OXCT1: variants seen among roughly 807,000 people sequenced by gnomAD.
The protein encoded by OXCT1 is 3-oxoacid CoA-transferase 1.
A neutral mutation model predicts 69.6 loss-of-function variants in OXCT1; 27 were observed. The ratio of observed to expected loss-of-function variants is 0.39; its 90% CI spans 0.29 to 0.54. OXCT1 has a LOEUF of 0.54. OXCT1 is among the 20% of genes least tolerant of loss of function. The probability of loss-of-function intolerance (pLI) is 0.72; values close to 1 mark genes in which losing one functional copy is unlikely to be tolerated. For missense variants in OXCT1, 437 were observed against 650.2 expected, an observed-to-expected ratio of 0.67 and a Z score of 3.57; for synonymous variants, 202 against 217.8, an observed-to-expected ratio of 0.93 and a Z score of 0.64.
chr5:41,811,306 TTGAA>T (rs1311323000), intron 7 of OXCT1, among the ~76,000 whole-genome samples: 1 of 151,904 alleles, frequency 6.6e-6, no homozygotes, highest in Non-Finnish European at 1.5e-5. Context: ...AGAGAATAAT[TTGAA>T]TGTGCTTAGC....
In OXCT1 at chr5:41,840,517, G is replaced by T; in HGVS notation, c.672-6C>A. The T allele has an allele frequency of 1.9e-6, 3 of 1,607,822 alleles. No individual in the cohort carries two copies. The highest frequency in any genetic ancestry group is 2.6e-6 in the Non-Finnish European group (3 of 1,175,280). On this transcript the variant is annotated splice_polypyrimidine_tract_variant and splice_region_variant and intron_variant, in intron 6 of 16. Transcript: ENST00000196371. ...TGAAATTCCTTGCACTTTTCCTACAGGGGTGGAGGAGATAAGAAAGTGGGG... is the reference window on the plus strand; with the variant it reads ...TGAAATTCCTTGCACTTTTCCTACATGGGTGGAGGAGATAAGAAAGTGGGG...
intron 14 of OXCT1, among the ~76,000 whole-genome samples, chr5:41,757,053 A>T (rs1744111442): frequency 6.6e-6 from 1 of 151,952 alleles, no homozygotes; most frequent in South Asian, 2.1e-4. Context: ...TCTAAGTGAG[A>T]TGGGAAGTCA....
intron 13 of OXCT1, among the ~76,000 whole-genome samples, chr5:41,768,844 C>T (rs754946664): frequency 6.6e-6 from 1 of 152,150 alleles, no homozygotes; most frequent in Non-Finnish European, 1.5e-5. Flanking sequence ...AACCCTTCAG[C>T]GCTTCAGGGT....
intron 11 of OXCT1, 62 bp downstream of exon 11, chr5:41,800,960 A>T: frequency 7.2e-7 from 1 of 1,394,674 alleles, no homozygotes; most frequent in Admixed American, 1.7e-5. Flanking sequence ...ATTGAGTCCA[A>T]ACTCTTATTA....
intron 15 of OXCT1, among the ~76,000 whole-genome samples, chr5:41,745,389 C>T (rs560229389): frequency 2.1e-3 from 327 of 152,162 alleles, no homozygotes; most frequent in African/African-American, 7.5e-3. Flanking sequence ...ATCTCTGGGA[C>T]ACATTCAAAG....
chr5:41,745,084 C>A (rs1390063599), intron 15 of OXCT1, among the ~76,000 whole-genome samples: 1 of 152,100 alleles, frequency 6.6e-6, no homozygotes, highest in African/African-American at 2.4e-5. Flanking sequence ...CACCCCAAAT[C>A]AACAGAATAT....
At chr5:41,863,008 T>C (rs1198752849) in intron 1 of OXCT1, among the ~76,000 whole-genome samples, 3 of 152,106 alleles carry the variant, frequency 2.0e-5, no homozygotes, top group African/African-American at 2.4e-5. Flanking sequence ...CTGAGGTCTG[T>C]CACCCCAGGA....
intron 14 of OXCT1, among the ~76,000 whole-genome samples, chr5:41,760,385 G>A (rs1744288397): frequency 6.6e-6 from 1 of 152,072 alleles, no homozygotes; most frequent in Non-Finnish European, 1.5e-5. Context: ...TTTCCCCACT[G>A]AGAGAAGGAA....
intron 13 of OXCT1, among the ~76,000 whole-genome samples, chr5:41,772,523 T>C (rs995299417): frequency 5.9e-5 from 9 of 152,184 alleles, no homozygotes; most frequent in South Asian, 2.1e-4. Context: ...GATCATGCTA[T>C]GTATAATAAA....
intron 5 of OXCT1, among the ~76,000 whole-genome samples, chr5:41,847,885 T>C (rs1400268887): frequency 6.7e-6 from 1 of 149,896 alleles, no homozygotes; most frequent in Non-Finnish European, 1.5e-5. Flanking sequence ...AGGGATGCCC[T>C]CTCTCACCAC....
rs1250784691 is a variant in OXCT1, at chr5:41,794,899, G to A, written c.1100-150C>T. 5.4e-6 allele frequency: 4 copies of A among 741,008 alleles called. No homozygotes were observed. In the East Asian group the frequency reaches 7.9e-5, roughly 15 times the overall value. The allele number at this position is 741,008 out of a possible 1,614,324, so 45.9% of individuals were successfully genotyped here. A position where few individuals can be genotyped will look rare whatever the true frequency, so the allele number is the denominator to read the frequency against. Reference sequence around the variant, plus strand: ...ACATAGCAGGTGGGGGGACACAGTAGGAACCTTTTGTGGTGGAAAGCATTT... The same window carrying A: ...ACATAGCAGGTGGGGGGACACAGTAAGAACCTTTTGTGGTGGAAAGCATTT... On this transcript the variant is annotated intron_variant, in intron 11 of 16. Transcript: ENST00000196371.
chr5:41,866,351 G>C (rs1238587657), intron 1 of OXCT1, among the ~76,000 whole-genome samples: 2 of 152,138 alleles, frequency 1.3e-5, no homozygotes, highest in African/African-American at 4.8e-5. Flanking sequence ...AAAAGACATA[G>C]GCCTTAGCTT....
chr5:41,846,056 C>G (rs1482297532), intron 5 of OXCT1, among the ~76,000 whole-genome samples: 1 of 152,044 alleles, frequency 6.6e-6, no homozygotes, highest in Non-Finnish European at 1.5e-5. Flanking sequence ...CATTCCCTCC[C>G]TAATTGCACT....
chr5:41,745,178 A>T (rs1353224102), intron 15 of OXCT1, among the ~76,000 whole-genome samples: 1 of 152,334 alleles, frequency 6.6e-6, no homozygotes, highest in Admixed American at 6.5e-5. Context: ...AATGTAAAAA[A>T]AAAACAAATT....
At chr5:41,867,989 C>T (rs1275513445) in intron 1 of OXCT1, among the ~76,000 whole-genome samples, 2 of 152,232 alleles carry the variant, frequency 1.3e-5, no homozygotes, top group African/African-American at 4.8e-5. Flanking sequence ...AGACCAGCAG[C>T]ATCAACATCA....
chr5:41,859,864 A>AATATATATATATATATATATATAT lies in OXCT1; in HGVS notation c.278+1449_278+1450insATATATATATATATATATATATAT, dbSNP rs3050894. Among the ~76,000 whole-genome samples the AATATATATATATATATATATATAT allele has an allele frequency of 3.2e-4, 39 of 120,062 alleles. 1 individual carries two copies. The highest frequency in any genetic ancestry group is 5.8e-4 in the South Asian group (2 of 3,430). 78.8% of individuals were successfully genotyped at this position (120,062 alleles called of 152,430 possible). A position where few individuals can be genotyped will look rare whatever the true frequency, so the allele number is the denominator to read the frequency against. ...AACTATTATACCTGACTAGTATAGT[A>AATATATATATATATATATATATAT]ATATATATATATATATATATATGTA... is the stretch of plus-strand genomic sequence containing the variant. On this transcript the variant is annotated intron_variant, in intron 3 of 16. Coordinates refer to ENST00000196371, the MANE Select transcript of OXCT1 (RefSeq NM_000436.4).
chr5:41,846,611 A>C (rs1748919144), intron 5 of OXCT1, among the ~76,000 whole-genome samples: 1 of 152,000 alleles, frequency 6.6e-6, no homozygotes, highest in African/African-American at 2.4e-5. Flanking sequence ...TGTGTCTTTA[A>C]AGCAGCATGA....
chr5:41,735,576 A>G (rs545356030), intron 16 of OXCT1, among the ~76,000 whole-genome samples: 1 of 152,352 alleles, frequency 6.6e-6, no homozygotes, highest in Admixed American at 6.5e-5. Flanking sequence ...AAATTTTTTT[A>G]AAGTTTTTAC....
intron 1 of OXCT1, chr5:41,869,905 T>G (rs141246861): frequency 4.7e-5 from 16 of 342,138 alleles, no homozygotes; most frequent in Non-Finnish European, 8.5e-5. Flanking sequence ...CTCCATATAC[T>G]GGCGCCCTCC....
Sources: allele counts gnomAD v4.1 joint callset (sites outside exome capture counted in the v4.1 genomes callset), GRCh38; gene constraint gnomAD v4.1.1; transcripts MANE v1.5; gene names NCBI Gene and HGNC (gene_info 2026-07-23, HGNC 2026-07-21).